GTPBP2: variants seen among roughly 807,000 people sequenced by gnomAD.
GTPBP2 encodes GTP binding protein 2.
In GTPBP2, 32 loss-of-function variants were observed where a neutral mutation model predicts 63.0. That is an observed-to-expected ratio of 0.51 (90% CI 0.38 to 0.68). The LOEUF (loss-of-function observed/expected upper bound fraction) is 0.68. Ranked by LOEUF, GTPBP2 falls within the 30% of genes least tolerant of loss-of-function variation. GTPBP2 has a pLI of 0.00. For synonymous variants in GTPBP2, 310 were observed against 322.6 expected (o/e 0.96, Z 0.42); for missense variants, 492 against 796.9 (o/e 0.62, Z 4.61).
In GTPBP2 at chr6:43,621,034, C is replaced by A; in HGVS notation, c.*580G>T. On this transcript the variant is annotated 3_prime_UTR_variant, in exon 12 of 12. Coordinates refer to ENST00000307126, the MANE Select transcript of GTPBP2 (RefSeq NM_019096.5). ...TTGAGTGAAGGAAAGGGAGATAAAG[C>A]TGAGGAAGAGGCCTCAGGCCTCAGC... 4.8e-6 allele frequency: 1 copy of A among 209,198 alleles called. No individual in the cohort carries two copies. Among genetic ancestry groups the A allele is most frequent in the Non-Finnish European group, 9.9e-6 (1 of 100,956 alleles). 13.0% of individuals were successfully genotyped at this position (209,198 alleles called of 1,614,324 possible).
chr6:43,625,283 C>A lies in GTPBP2; in HGVS notation c.705+80G>T. Reference sequence around the variant, plus strand: ...TACTATTTCAAAAAGTCTCCACACTCTACCCCCATCCTATGTCCTTCACTA... The same window carrying A: ...TACTATTTCAAAAAGTCTCCACACTATACCCCCATCCTATGTCCTTCACTA... On this transcript the variant is annotated intron_variant, in intron 5 of 11. Transcript: ENST00000307126. The surrounding 1 kb of genome is among the most constrained non-coding windows in gnomAD (Gnocchi z 5.1). The A allele has an allele frequency of 7.4e-7, 1 of 1,359,490 alleles. No individual in the cohort carries two copies. The highest frequency in any genetic ancestry group is 1.1e-6 in the Non-Finnish European group (1 of 951,390). The allele number at this position is 1,359,490 out of a possible 1,614,324, so 84.2% of individuals were successfully genotyped here.
In GTPBP2 at chr6:43,622,771, C is replaced by G; in HGVS notation, c.1329G>C (p.Val443=). The G allele has an allele frequency of 6.2e-7, 1 of 1,614,052 alleles. No homozygotes were observed. Among genetic ancestry groups the G allele is most frequent in the South Asian group, 1.1e-5 (1 of 91,072 alleles). The change falls in exon 10 of 12, where the codon GTG becomes GTC. Residue 443 remains valine (V), a synonymous_variant. Transcript: ENST00000307126. This position sits in a 1 kb window ranked among gnomAD's most constrained non-coding sequence, Gnocchi z 5.4. Reference sequence around the variant, plus strand: ...GGAAGCAGCCATCATCCGTGGGGCCCACCACCAGCTGGTCCCCCTCACGGC... The same window carrying G: ...GGAAGCAGCCATCATCCGTGGGGCCGACCACCAGCTGGTCCCCCTCACGGC... ...GICREGDQLV[V]GPTDDGCFLE...
Position 43,625,703 on chromosome 6 carries a change from A to T in GTPBP2, c.507+53T>A, listed in dbSNP as rs1309835658. The T allele has an allele frequency of 6.8e-7, 1 of 1,479,868 alleles. No homozygotes were observed. Among genetic ancestry groups the T allele is most frequent in the Non-Finnish European group, 9.5e-7 (1 of 1,057,622 alleles). The allele number at this position is 1,479,868 out of a possible 1,614,324, so 91.7% of individuals were successfully genotyped here. A position where few individuals can be genotyped will look rare whatever the true frequency, so the allele number is the denominator to read the frequency against. ...CCAGGCCAGGAGACAGCCTGCCACC[A>T]CAGGGCCCTTCCACAGTGTGGACAT... is the stretch of plus-strand genomic sequence containing the variant. On this transcript the variant is annotated intron_variant, in intron 4 of 11. Transcript: ENST00000307126. The surrounding 1 kb of genome is among the most constrained non-coding windows in gnomAD (Gnocchi z 5.1).
rs112297133 is a variant in GTPBP2 at position 43,622,521 on chromosome 6, AGT to A, written c.1467+110_1467+111del. Reference sequence around the variant, plus strand: ...AGACCAGAAGCTTCTTGGGTCAGAGAGTGTGTTTCCTCTGAGTTTCTCTGAAG... The same window carrying A: ...AGACCAGAAGCTTCTTGGGTCAGAGAGTGTTTCCTCTGAGTTTCTCTGAAG... On this transcript the variant is annotated intron_variant, in intron 10 of 11. Transcript: ENST00000307126. This position sits in a 1 kb window ranked among gnomAD's most constrained non-coding sequence, Gnocchi z 5.4. 8.5e-3 allele frequency: 8,592 copies of A among 1,015,502 alleles called. 419 individuals are homozygous for A. In the African/African-American group the frequency reaches 0.11, roughly 13 times the overall value. 62.9% of individuals were successfully genotyped at this position (1,015,502 alleles called of 1,614,324 possible).
At position 43,623,696 on chromosome 6, in the gene GTPBP2, G is replaced by T. The variant is rs779920612; in HGVS notation, c.1295+41C>A. On this transcript the variant is annotated intron_variant, in intron 9 of 11. Transcript: ENST00000307126. ...GGCCAGGATGTCTTTGAGTATATAGGTGAGGGCTGAGTGGGGAGGGTAGCA... is the reference window on the plus strand; with the variant it reads ...GGCCAGGATGTCTTTGAGTATATAGTTGAGGGCTGAGTGGGGAGGGTAGCA... The T allele has an allele frequency of 1.4e-5, 20 of 1,467,790 alleles. No individual in the cohort carries two copies. In the East Asian group the frequency reaches 4.5e-4, roughly 33 times the overall value. 90.9% of individuals were successfully genotyped at this position (1,467,790 alleles called of 1,614,324 possible).
chr6:43,625,472 T>C lies in GTPBP2; in HGVS notation c.596A>G (p.Asn199Ser), dbSNP rs1769227612. ...GTTGAGCCGAGCCCGGCCCCGCCCA[T>C]TGTCCAGCTCTCCCTGGGTCAGGAC... ...LGVLTQGELD[N>S]GRGRARLNLF... The change falls in exon 5 of 12, where the codon AAT becomes AGT. Residue 199 changes from asparagine to serine, a missense_variant. Transcript: ENST00000307126. This position sits in a 1 kb window ranked among gnomAD's most constrained non-coding sequence, Gnocchi z 5.1. 6.2e-7 allele frequency: 1 copy of C among 1,614,052 alleles called. No homozygotes were observed. The highest frequency in any genetic ancestry group is 1.3e-5 in the African/African-American group (1 of 75,026).
chr6:43,624,004 G>A lies in GTPBP2; in HGVS notation c.1165C>T (p.Leu389=). 1.9e-6 allele frequency: 3 copies of A among 1,614,034 alleles called. No individual in the cohort carries two copies. Among genetic ancestry groups the A allele is most frequent in the Non-Finnish European group, 2.5e-6 (3 of 1,179,902 alleles). ...TTGGTGAGTGGCGGCAGAATATTCAGAAAGACTTTGAGGAGGTCCAGACTC... is the reference window on the plus strand; with the variant it reads ...TTGGTGAGTGGCGGCAGAATATTCAAAAAGACTTTGAGGAGGTCCAGACTC... ...GESLDLLKVF[L]NILPPLTNSK... Residue 389 remains leucine (L), a synonymous_variant, in exon 8 of 12, where the codon CTG becomes TTG. Transcript: ENST00000307126. The surrounding 1 kb of genome is among the most constrained non-coding windows in gnomAD (Gnocchi z 5.1).
rs79431655 is a variant in GTPBP2, at chr6:43,626,506, T to C, written c.214-96A>G. On this transcript the variant is annotated intron_variant, in intron 2 of 11. Coordinates refer to ENST00000307126, the MANE Select transcript of GTPBP2 (RefSeq NM_019096.5). This position sits in a 1 kb window ranked among gnomAD's most constrained non-coding sequence, Gnocchi z 4.0. ...TTCTGCTGCAAGGACCAGGACTTTC[T>C]CTTTCCACTTAAACTCATACCTGAT... The C allele has an allele frequency of 1.1e-4, 101 of 941,810 alleles. No individual in the cohort carries two copies. In the East Asian group the frequency reaches 2.5e-3, roughly 23 times the overall value. 58.3% of individuals were successfully genotyped at this position (941,810 alleles called of 1,614,324 possible). A position where few individuals can be genotyped will look rare whatever the true frequency, so the allele number is the denominator to read the frequency against.
In GTPBP2 at chr6:43,626,179, C is replaced by T. The variant is rs191368446; in HGVS notation, c.398+47G>A. On this transcript the variant is annotated intron_variant, in intron 3 of 11. Transcript: ENST00000307126. This position sits in a 1 kb window ranked among gnomAD's most constrained non-coding sequence, Gnocchi z 4.0. ...CCTAGGTAACTGGGTATGCATGGGT[C>T]CCCCCAAGTCAGGTAAAGGAGAACT... 6 of 1,554,912 alleles carry T rather than the reference C, an allele frequency of 3.9e-6. No individual in the cohort carries two copies. The highest frequency in any genetic ancestry group is 4.5e-5 in the East Asian group (2 of 44,320).
intron 1 of GTPBP2, chr6:43,627,173 T>G: frequency 2.7e-6 from 2 of 732,672 alleles, no homozygotes; most frequent in South Asian, 4.7e-5. Flanking sequence ...AGTCACCCAT[T>G]TAAGCCAGGA....
rs1769141575 is a variant in GTPBP2 at position 43,624,572 on chromosome 6, G to A, written c.1038C>T (p.Pro346=). ...VLKQPGCHKV[P]MLVTSEDDAV... ...CATCATCCTCAGAGGTGACCAGCAT[G>A]GGGACCTTGTGGCAGCCAGGCTGCT... The change falls in exon 7 of 12, where the codon CCC becomes CCT. Residue 346 remains proline (P), a synonymous_variant. Coordinates refer to ENST00000307126, the MANE Select transcript of GTPBP2 (RefSeq NM_019096.5). The surrounding 1 kb of genome is among the most constrained non-coding windows in gnomAD (Gnocchi z 5.1). The A allele has an allele frequency of 1.2e-6, 2 of 1,614,116 alleles. No homozygotes were observed. The highest frequency in any genetic ancestry group is 1.7e-6 in the Non-Finnish European group (2 of 1,179,986).
At chr6:43,623,561 C>T (rs1769001724) in intron 9 of GTPBP2, 176 bp downstream of exon 9, 4 of 620,838 alleles carry the variant, frequency 6.4e-6, no homozygotes, top group Non-Finnish European at 1.2e-5. Context: ...TTTCTTCCCT[C>T]CAAAGCCAAC....
At position 43,623,769 on chromosome 6, in the gene GTPBP2, C is replaced by T; in HGVS notation, c.1263G>A (p.Glu421=). Residue 421 remains glutamate, a synonymous_variant, in exon 9 of 12, where the codon GAG becomes GAA. Transcript: ENST00000307126. ...GTGTTCCTCCAACAACAGTCCCCAC[C>T]TCTGGTACTGTGTAGATTTCATCCA... ...FQVDEIYTVP[E]VGTVVGGTLS... is the part of the protein sequence containing the mutation. 1 of 1,613,546 alleles carries T rather than the reference C, an allele frequency of 6.2e-7. No individual in the cohort carries two copies. The highest frequency in any genetic ancestry group is 8.5e-7 in the Non-Finnish European group (1 of 1,179,434).
chr6:43,624,017 GAGGTCCAGACTCTCTCCAGAC>G lies in GTPBP2; in HGVS notation c.1131_1151del (p.Ser378_Leu384del). The stretch of plus-strand genomic sequence containing the variant: ...GCAGAATATTCAGAAAGACTTTGAG[GAGGTCCAGACTCTCTCCAGAC>G]ACACTGGACAATGTGAAGATGGGGG... On this transcript the variant is annotated inframe_deletion, in exon 8 of 12. Transcript: ENST00000307126. This position sits in a 1 kb window ranked among gnomAD's most constrained non-coding sequence, Gnocchi z 5.1. 1 of 1,613,720 alleles carries G rather than the reference GAGGTCCAGACTCTCTCCAGAC, an allele frequency of 6.2e-7. No individual in the cohort carries two copies. Among genetic ancestry groups the G allele is most frequent in the South Asian group, 1.1e-5 (1 of 91,064 alleles).
intron 9 of GTPBP2, 28 bp downstream of exon 9, chr6:43,623,709 G>T: frequency 6.4e-7 from 1 of 1,557,698 alleles, no homozygotes; most frequent in Non-Finnish European, 8.9e-7. Flanking sequence ...AGGGCTGAGT[G>T]GGGAGGGTAG....
chr6:43,626,445 G>A lies in GTPBP2; in HGVS notation c.214-35C>T. ...AGTGGGGTATCATAAGGTGAAATCA[G>A]AGGTGTTCCTCCCAAACCTACATGG... On this transcript the variant is annotated intron_variant, in intron 2 of 11. Transcript: ENST00000307126. This position sits in a 1 kb window ranked among gnomAD's most constrained non-coding sequence, Gnocchi z 4.0. 1 of 1,580,600 alleles carries A rather than the reference G, an allele frequency of 6.3e-7. No individual in the cohort carries two copies. The highest frequency in any genetic ancestry group is 8.7e-7 in the Non-Finnish European group (1 of 1,151,002).
rs778211103 is a variant in GTPBP2, at chr6:43,624,683, C to T, written c.927G>A (p.Val309=). The part of the protein sequence containing the change: ...EHLGLALALK[V]PFFIVVSKID... ...TCTTGCTGACCACGATGAAGAAGGG[C>T]ACTTTCAGGGCCAGGGCCAGCCCCA... Residue 309 remains valine, a synonymous_variant, in exon 7 of 12, where the codon GTG becomes GTA. Transcript: ENST00000307126. This position sits in a 1 kb window ranked among gnomAD's most constrained non-coding sequence, Gnocchi z 5.1. 1.9e-5 allele frequency: 31 copies of T among 1,614,126 alleles called. No individual in the cohort carries two copies. Among genetic ancestry groups the T allele is most frequent in the Non-Finnish European group, 2.5e-5 (30 of 1,180,036 alleles).
At position 43,626,186 on chromosome 6, in the gene GTPBP2, A is replaced by G. The variant is rs1180465200; in HGVS notation, c.398+40T>C. ...AACTGGGTATGCATGGGTCCCCCCA[A>G]GTCAGGTAAAGGAGAACTGGTGGGG... On this transcript the variant is annotated intron_variant, in intron 3 of 11. Transcript: ENST00000307126. This position sits in a 1 kb window ranked among gnomAD's most constrained non-coding sequence, Gnocchi z 4.0. The G allele has an allele frequency of 1.3e-6, 2 of 1,586,130 alleles. No homozygotes were observed. Among genetic ancestry groups the G allele is most frequent in the African/African-American group, 1.3e-5 (1 of 74,420 alleles).
In GTPBP2 at chr6:43,625,597, C is replaced by CTCACCCCTCTAACTGAAGACTGGG; in HGVS notation, c.508-61_508-38dup. 6.5e-7 allele frequency: 1 copy of CTCACCCCTCTAACTGAAGACTGGG among 1,544,008 alleles called. No individual in the cohort carries two copies. ...TTGCCAGAGATAAGAACTCCAATCTCTCACCCCTCTAACTGAAGACTGGGT... is the reference window on the plus strand; with the variant it reads ...TTGCCAGAGATAAGAACTCCAATCTCTCACCCCTCTAACTGAAGACTGGGTCACCCCTCTAACTGAAGACTGGGT... On this transcript the variant is annotated intron_variant, in intron 4 of 11. Transcript: ENST00000307126. The surrounding 1 kb of genome is among the most constrained non-coding windows in gnomAD (Gnocchi z 5.1).
Sources: allele counts gnomAD v4.1 joint callset, GRCh38; gene constraint gnomAD v4.1.1; non-coding constraint Gnocchi (gnomAD v3.1); transcripts MANE v1.5; gene names NCBI Gene and HGNC (gene_info 2026-07-23, HGNC 2026-07-21).